The following SLCO5A1 variants were observed in gnomAD, a reference collection of about 807,000 sequenced individuals.
SLCO5A1 encodes solute carrier organic anion transporter family member 5A1.
In SLCO5A1, 39 loss-of-function variants were observed where a neutral mutation model predicts 65.1. The observed-to-expected ratio is 0.60, with a 90% CI of 0.46 to 0.78. The LOEUF is 0.78. SLCO5A1 is among the 30% of genes least tolerant of loss of function. The pLI is 0.00. For missense variants in SLCO5A1, 1,029 were observed against 1,069.4 expected (o/e 0.96, Z 0.53); for synonymous variants, 438 against 415.7 (o/e 1.05, Z -0.65).
intron 5 of SLCO5A1, among the ~76,000 whole-genome samples, chr8:69,728,472 A>C (rs1816189489): frequency 6.6e-6 from 1 of 152,230 alleles, no homozygotes; most frequent in African/African-American, 2.4e-5. Context: ...AAAACAAATT[A>C]AAACAAACAT....
chr8:69,807,489 C>T (rs1190760140), intron 2 of SLCO5A1, among the ~76,000 whole-genome samples: 4 of 152,268 alleles, frequency 2.6e-5, no homozygotes, highest in Non-Finnish European at 4.4e-5. Flanking sequence ...CGTTAACCAG[C>T]GCCTCCCTTT....
chr8:69,779,209 C>T (rs535791616), intron 2 of SLCO5A1, among the ~76,000 whole-genome samples: 1 of 152,036 alleles, frequency 6.6e-6, no homozygotes, highest in Non-Finnish European at 1.5e-5. Flanking sequence ...AAAATGTTTG[C>T]ATACATTATT....
Position 69,832,973 on chromosome 8 carries a change from G to T in SLCO5A1, c.-300C>A. On this transcript the variant is annotated 5_prime_UTR_variant, in exon 2 of 10. Coordinates refer to ENST00000260126, the MANE Select transcript of SLCO5A1 (RefSeq NM_030958.3). This position sits in a 1 kb window ranked among gnomAD's most constrained non-coding sequence, Gnocchi z 4.5. The stretch of plus-strand genomic sequence containing the variant: ...GGCGGTAGCTTGAGGCAGGCGCCTC[G>T]CGCGTCCCGGGCTCATCCCCTCCGC... 2.6e-6 allele frequency: 1 copy of T among 391,022 alleles called. No homozygotes were observed. Among genetic ancestry groups the T allele is most frequent in the Non-Finnish European group, 4.5e-6 (1 of 224,388 alleles). The allele number at this position is 391,022 out of a possible 1,614,324, so 24.2% of individuals were successfully genotyped here.
intron 2 of SLCO5A1, among the ~76,000 whole-genome samples, chr8:69,830,228 G>A (rs1043484452): frequency 1.5e-4 from 23 of 152,248 alleles, no homozygotes; most frequent in Non-Finnish European, 2.6e-4. Flanking sequence ...AACATACTGA[G>A]GACAAAGCAT....
chr8:69,772,982 A>T (rs1818397275), intron 2 of SLCO5A1: 1 of 985,068 alleles, frequency 1.0e-6, no homozygotes. Context: ...GGACTGTGGG[A>T]AAGGAATGAT....
At position 69,832,994 on chromosome 8, in the gene SLCO5A1, T is replaced by G. The variant is rs1006221481; in HGVS notation, c.-321A>C. On this transcript the variant is annotated 5_prime_UTR_variant, in exon 2 of 10. Transcript: ENST00000260126. This position sits in a 1 kb window ranked among gnomAD's most constrained non-coding sequence, Gnocchi z 4.5. ...CCTCGCGCGTCCCGGGCTCATCCCCTCCGCCGCCGCCGCCGCCGCCGCCGC... is the reference window on the plus strand; with the variant it reads ...CCTCGCGCGTCCCGGGCTCATCCCCGCCGCCGCCGCCGCCGCCGCCGCCGC... 4 of 339,092 alleles carry G rather than the reference T, an allele frequency of 1.2e-5. No homozygotes were observed. The highest frequency in any genetic ancestry group is 1.0e-5 in the Non-Finnish European group (2 of 192,988). The allele number at this position is 339,092 out of a possible 1,614,324, so 21.0% of individuals were successfully genotyped here.
intron 5 of SLCO5A1, among the ~76,000 whole-genome samples, chr8:69,727,454 A>T (rs1343366409): frequency 6.6e-6 from 1 of 152,152 alleles, no homozygotes; most frequent in Non-Finnish European, 1.5e-5. Context: ...ATACAGTTCA[A>T]TCTGTATAAT....
At chr8:69,678,038 A>G (rs1477214386) in intron 8 of SLCO5A1, among the ~76,000 whole-genome samples, 2 of 152,146 alleles carry the variant, frequency 1.3e-5, no homozygotes, top group Non-Finnish European at 2.9e-5. Flanking sequence ...CTTACTGTAA[A>G]TATCAACACA....
intron 2 of SLCO5A1, among the ~76,000 whole-genome samples, chr8:69,762,172 TTCTTTC>T (rs1817817214): frequency 7.8e-6 from 1 of 128,000 alleles, no homozygotes; most frequent in Non-Finnish European, 1.7e-5. Flanking sequence ...CTTTCTTTCT[TTCTTTC>T]TTTCTTTCTT....
At chr8:69,757,029 A>G (rs187297034) in intron 3 of SLCO5A1, among the ~76,000 whole-genome samples, 1 of 152,388 alleles carries the variant, frequency 6.6e-6, no homozygotes, top group East Asian at 1.9e-4. Flanking sequence ...TCAATCAGGT[A>G]AGACTATAGA....
chr8:69,746,982 G>T (rs763661648), intron 4 of SLCO5A1, among the ~76,000 whole-genome samples: 88 of 152,112 alleles, frequency 5.8e-4, no homozygotes, highest in Non-Finnish European at 8.8e-4. Flanking sequence ...ATCACCCAGG[G>T]TCAGGTACCA....
At chr8:69,714,614 T>C (rs925232277) in intron 5 of SLCO5A1, among the ~76,000 whole-genome samples, 2 of 152,240 alleles carry the variant, frequency 1.3e-5, no homozygotes, top group East Asian at 3.8e-4. Flanking sequence ...AATCATAGTG[T>C]GGCTCCCATG....
chr8:69,680,324 C>A (rs116346947), intron 7 of SLCO5A1, among the ~76,000 whole-genome samples: 5,791 of 152,216 alleles, frequency 0.038, 208 homozygotes, highest in African/African-American at 0.091. Flanking sequence ...TCTATTGTTT[C>A]CATTTTTGTG....
In SLCO5A1 at chr8:69,667,681, A is replaced by G. The variant is rs375091311; in HGVS notation, c.*5188T>C. On this transcript the variant is annotated 3_prime_UTR_variant, in exon 10 of 10. Transcript: ENST00000260126. Reference sequence around the variant, plus strand: ...GATACCAGAAAAGATAACACCTTCAAAACCCCAGTGTTAAAAATACCTTAC... The same window carrying G: ...GATACCAGAAAAGATAACACCTTCAGAACCCCAGTGTTAAAAATACCTTAC... The G allele has an allele frequency of 8.1e-4, 123 of 152,338 alleles. 1 individual carries two copies. Among genetic ancestry groups the G allele is most frequent in the African/African-American group, 2.7e-3 (114 of 41,578 alleles). The allele number at this position is 152,338 out of a possible 1,614,324, so 9.4% of individuals were successfully genotyped here. A position where few individuals can be genotyped will look rare whatever the true frequency, so the allele number is the denominator to read the frequency against.
rs764226997 is a variant in SLCO5A1 at position 69,676,617 on chromosome 8, C to T, written c.2081G>A (p.Arg694Gln). The change falls in exon 9 of 10, where the codon CGA (arginine) becomes CAA (glutamine). Residue 694 changes from arginine to glutamine, a missense_variant. By Grantham distance (43) the Arg-to-Gln change is conservative. This residue lies in a region of SLCO5A1 where 258 missense variants were observed against 237.4 expected (regional missense o/e 1.09). Transcript: ENST00000260126. ...FALGMQFVLL[R>Q]TLAYIPTPIY... ...GAAATTCAGGGACGTACCAAGTGTT[C>T]GCAACAAAACAAACTGCATTCCCAG... is the stretch of plus-strand genomic sequence containing the variant. 4.3e-6 allele frequency: 7 copies of T among 1,612,488 alleles called. No homozygotes were observed. The highest frequency in any genetic ancestry group is 1.1e-5 in the South Asian group (1 of 90,812).
At chr8:69,760,611 T>G (rs1399668286) in intron 3 of SLCO5A1, among the ~76,000 whole-genome samples, 1 of 152,216 alleles carries the variant, frequency 6.6e-6, no homozygotes, top group East Asian at 1.9e-4. Context: ...TTTCTAATAC[T>G]GAAGTATTCT....
chr8:69,779,019 T>C (rs1181551541), intron 2 of SLCO5A1, among the ~76,000 whole-genome samples: 1 of 152,232 alleles, frequency 6.6e-6, no homozygotes, highest in Non-Finnish European at 1.5e-5. Context: ...TGGATTCATT[T>C]ATGTATAGTG....
intron 5 of SLCO5A1, among the ~76,000 whole-genome samples, chr8:69,730,008 G>C (rs1816261737): frequency 6.6e-6 from 1 of 152,166 alleles, no homozygotes; most frequent in Non-Finnish European, 1.5e-5. Flanking sequence ...AGAAAAAGAG[G>C]AGAAACTGAT....
intron 6 of SLCO5A1, among the ~76,000 whole-genome samples, chr8:69,696,834 C>T (rs1035847266): frequency 1.3e-5 from 2 of 152,090 alleles, no homozygotes; most frequent in African/African-American, 2.4e-5. Flanking sequence ...GAAGACATTA[C>T]TCCATAAAAC....
Sources: gnomAD v4.1 joint callset for allele counts (sites outside exome capture counted in the v4.1 genomes callset) on GRCh38, gnomAD v4.1.1 for gene constraint, gnomAD v4.1.1 regional missense constraint, Gnocchi (gnomAD v3.1) non-coding constraint, MANE v1.5 for transcripts, NCBI Gene and HGNC (gene_info 2026-07-23, HGNC 2026-07-21) for gene names.